Variants in BORCS8 observed in about 807,000 individuals in gnomAD.
The protein encoded by BORCS8 is BLOC-1 related complex subunit 8.
In BORCS8, 13 loss-of-function variants were observed where a neutral mutation model predicts 18.7. The observed-to-expected ratio is 0.70, with a 90% CI of 0.45 to 1.11. BORCS8 has a LOEUF of 1.11. BORCS8 is among the 50% of genes least tolerant of loss of function. The pLI, the probability that BORCS8 is intolerant of heterozygous loss-of-function variation, is 0.00. For synonymous variants in BORCS8, 68 were observed against 64.8 expected, an observed-to-expected ratio of 1.05 and a Z score of -0.24; for missense variants, 165 against 165.7, an observed-to-expected ratio of 1.00 and a Z score of 0.02.
chr19:19,184,301 CTTTCT>C (rs1348279417), intron 3 of BORCS8, among the ~76,000 whole-genome samples: 4 of 109,612 alleles, frequency 3.6e-5, no homozygotes, highest in Non-Finnish European at 8.2e-5. Context: ...TTTTTTTTTC[CTTTCT>C]TTTTTTTTTT....
chr19:19,183,184 G>C (rs2060367219), intron 3 of BORCS8, among the ~76,000 whole-genome samples: 1 of 152,106 alleles, frequency 6.6e-6, no homozygotes, highest in South Asian at 2.1e-4. Context: ...TGAGGCGGGT[G>C]GATCATGAGG....
chr19:19,182,818 G>C lies in BORCS8; in HGVS notation c.216-135C>G. ...CGGGCTTCCCGAAGGACTCACAGTGGGCTTACATTTTAGATTTCCCTGCTA... is the reference window on the plus strand; with the variant it reads ...CGGGCTTCCCGAAGGACTCACAGTGCGCTTACATTTTAGATTTCCCTGCTA... On this transcript the variant is annotated intron_variant, in intron 3 of 5. Transcript: ENST00000462790. The surrounding 1 kb of genome is among the most constrained non-coding windows in gnomAD (Gnocchi z 4.1). The C allele has an allele frequency of 5.1e-6, 6 of 1,185,724 alleles. No homozygotes were observed. Among genetic ancestry groups the C allele is most frequent in the Non-Finnish European group, 6.9e-6 (6 of 874,480 alleles). 73.5% of individuals were successfully genotyped at this position (1,185,724 alleles called of 1,614,324 possible).
intron 1 of BORCS8, among the ~76,000 whole-genome samples, chr19:19,187,610 C>G (rs1430833447): frequency 1.3e-5 from 2 of 150,916 alleles, no homozygotes; most frequent in Non-Finnish European, 2.9e-5. Flanking sequence ...GCAATCTCGG[C>G]TCACCACAAC....
At chr19:19,177,710 AAAGAAAAGAAAAGAAAAGAAAAG>A (rs2060312265) in intron 5 of BORCS8, 1 of 92,588 alleles carries the variant, frequency 1.1e-5, no homozygotes, top group African/African-American at 4.7e-5. Context: ...AAAGAAAAGA[AAAGAAAAGAAAAGAAAAGAAAAG>A]AAAAGAAAAG....
chr19:19,177,677 G>C (rs868507657), intron 5 of BORCS8: 16 of 87,096 alleles, frequency 1.8e-4, no homozygotes, highest in Admixed American at 4.4e-4. Flanking sequence ...AGGAAGGAAG[G>C]AAGGAAGGAA....
intron 1 of BORCS8, among the ~76,000 whole-genome samples, chr19:19,190,722 A>T (rs1245073906): frequency 6.6e-6 from 1 of 152,084 alleles, no homozygotes. Flanking sequence ...CGGGAGGCGG[A>T]GGTTGCCGTG....
In BORCS8 at chr19:19,182,619, C is replaced by T; in HGVS notation, c.280G>A (p.Ala94Thr). The T allele has an allele frequency of 6.4e-7, 1 of 1,551,282 alleles. No homozygotes were observed. The highest frequency in any genetic ancestry group is 8.7e-7 in the Non-Finnish European group (1 of 1,146,918). Residue 94 changes from alanine to threonine, a missense_variant, in exon 4 of 6, where the codon GCC becomes ACC. By Grantham distance (58) the Ala-to-Thr change is moderately conservative. Transcript: ENST00000462790. The surrounding 1 kb of genome is among the most constrained non-coding windows in gnomAD (Gnocchi z 4.1). ...FRSVEGLLKQ[A>T]ISIRDHMNAS... The stretch of plus-strand genomic sequence containing the variant: ...TTCATATGGTCCCGGATGCTGATGG[C>T]CTGTTTGAGCAGACCCTCCACGCTG...
intron 3 of BORCS8, among the ~76,000 whole-genome samples, chr19:19,183,880 A>AT (rs2060378202): frequency 1.4e-5 from 2 of 142,962 alleles, no homozygotes; most frequent in South Asian, 2.2e-4. Context: ...TCATTTTGTA[A>AT]TTTTTTTTTA....
At position 19,192,061 on chromosome 19, in the gene BORCS8, C is replaced by T. The variant is rs1167842977; in HGVS notation, c.37+20G>A. On this transcript the variant is annotated intron_variant, in intron 1 of 5. Transcript: ENST00000462790. ...CACAAGTTACCGGCCCCCTCTGTCC[C>T]GCCCGCAGGCCCGCACCACCTTTCT... 3.2e-6 allele frequency: 5 copies of T among 1,551,292 alleles called. No individual in the cohort carries two copies. The highest frequency in any genetic ancestry group is 1.4e-5 in the African/African-American group (1 of 73,034).
intron 4 of BORCS8, among the ~76,000 whole-genome samples, chr19:19,181,167 C>G (rs899329213): frequency 1.3e-5 from 2 of 149,364 alleles, no homozygotes; most frequent in African/African-American, 4.9e-5. Flanking sequence ...TGCACTCTAG[C>G]CTGGGCGACA....
intron 4 of BORCS8, chr19:19,181,769 C>A (rs771699082): frequency 1.1e-4 from 82 of 769,194 alleles, no homozygotes; most frequent in Non-Finnish European, 1.2e-4. Flanking sequence ...AGTTAAGCAA[C>A]ACAGATGCTT....
In BORCS8 at chr19:19,177,694, AAG is replaced by A. The variant is rs1183210185; in HGVS notation, c.*43-236_*43-235del. The A allele has an allele frequency of 6.5e-3, 300 of 46,484 alleles. 12 individuals are homozygous for A. The East Asian group carries it at 0.091, about 14-fold the overall frequency. 2.9% of individuals were successfully genotyped at this position (46,484 alleles called of 1,614,324 possible). On this transcript the variant is annotated intron_variant, in intron 5 of 5. Coordinates refer to ENST00000462790, the MANE Select transcript of BORCS8 (RefSeq NM_001145784.2). ...GAAGGAAGGAAGGAAGGAAGGAAGG[AAG>A]AGAAAAGAAAAGAAAAGAAAAGAAA...
At position 19,189,916 on chromosome 19, in the gene BORCS8, C is replaced by CAA. The variant is rs35611651; in HGVS notation, c.37+2163_37+2164dup. Among the ~76,000 whole-genome samples the CAA allele has an allele frequency of 5.0e-3, 713 of 143,398 alleles. 7 individuals are homozygous for CAA. Among genetic ancestry groups the CAA allele is most frequent in the African/African-American group, 0.016 (642 of 39,218 alleles). The allele number at this position is 143,398 out of a possible 152,430, so 94.1% of individuals were successfully genotyped here. A position where few individuals can be genotyped will look rare whatever the true frequency, so the allele number is the denominator to read the frequency against. The stretch of plus-strand genomic sequence containing the variant: ...TGGGCAAAAGAGTGAGACTCTGTCC[C>CAA]AAAAAAAAAAAAATTAAATGCCCGT... On this transcript the variant is annotated intron_variant, in intron 1 of 5. Transcript: ENST00000462790.
chr19:19,191,116 G>A (rs1170402339), intron 1 of BORCS8, among the ~76,000 whole-genome samples: 2 of 152,056 alleles, frequency 1.3e-5, no homozygotes, highest in Non-Finnish European at 2.9e-5. Context: ...ACTTTGGGAG[G>A]CCAAGGTGGG....
At chr19:19,180,106 G>A (rs2060334262) in intron 5 of BORCS8, 1 of 156,490 alleles carries the variant, frequency 6.4e-6, no homozygotes, top group African/African-American at 2.4e-5. Flanking sequence ...GTAAACCACT[G>A]TTTTGGGATG....
chr19:19,190,506 C>T (rs1468675602), intron 1 of BORCS8, among the ~76,000 whole-genome samples: 1 of 152,122 alleles, frequency 6.6e-6, no homozygotes, highest in East Asian at 1.9e-4. Flanking sequence ...GTGAGCATAA[C>T]GGCCAGGGGC....
At position 19,179,560 on chromosome 19, in the gene BORCS8, C is replaced by G. The variant is rs142445671; in HGVS notation, c.*42+1126G>C. On this transcript the variant is annotated intron_variant, in intron 5 of 5. Coordinates refer to ENST00000462790, the MANE Select transcript of BORCS8 (RefSeq NM_001145784.2). The stretch of plus-strand genomic sequence containing the variant: ...GGCTCTGTCTCCACCTGCCTCCCCT[C>G]GACCTCTGAGAGGGCTTCCATGGCA... 657 of 152,808 alleles carry G rather than the reference C, an allele frequency of 4.3e-3. 2 individuals are homozygous for G. Among genetic ancestry groups the G allele is most frequent in the Non-Finnish European group, 7.2e-3 (489 of 68,070 alleles). 9.5% of individuals were successfully genotyped at this position (152,808 alleles called of 1,614,324 possible).
At chr19:19,186,825 C>A in intron 2 of BORCS8, 68 bp downstream of exon 2, 1 of 1,195,278 alleles carries the variant, frequency 8.4e-7, no homozygotes. Flanking sequence ...CACATGCCTC[C>A]TTGCTGGTGT....
chr19:19,179,807 G>A (rs1381433428), intron 5 of BORCS8: 1 of 152,852 alleles, frequency 6.5e-6, no homozygotes, highest in Non-Finnish European at 1.5e-5. Context: ...CTGGCCACGT[G>A]ACTGGCCTCA....
Sources: allele counts gnomAD v4.1 joint callset (sites outside exome capture counted in the v4.1 genomes callset), GRCh38; gene constraint gnomAD v4.1.1; non-coding constraint Gnocchi (gnomAD v3.1); transcripts MANE v1.5; gene names NCBI Gene and HGNC (gene_info 2026-07-23, HGNC 2026-07-21).